Variants in DOCK3 observed in about 807,000 individuals in gnomAD.
The protein encoded by DOCK3 is dedicator of cytokinesis 3.
A neutral mutation model predicts 265.6 loss-of-function variants in DOCK3; 60 were observed. The observed-to-expected ratio is 0.23, with a 90% CI of 0.18 to 0.28. DOCK3 has a LOEUF of 0.28. Ranked by LOEUF, DOCK3 falls within the 10% of genes least tolerant of loss-of-function variation. DOCK3 has a pLI of 1.00. For missense variants in DOCK3, 1,981 were observed against 2,594.3 expected (o/e 0.76, Z 5.14); for synonymous variants, 881 against 938.0 (o/e 0.94, Z 1.11).
intron 12 of DOCK3, among the ~76,000 whole-genome samples, chr3:51,201,686 C>G (rs974487217): frequency 7.1e-4 from 108 of 152,292 alleles, no homozygotes; most frequent in Non-Finnish European, 1.2e-3. Context: ...TAGACATCTA[C>G]AGAACTCTCC....
chr3:50,925,082 T>G (rs1235388336), intron 4 of DOCK3, among the ~76,000 whole-genome samples: 1 of 152,146 alleles, frequency 6.6e-6, no homozygotes, highest in Admixed American at 6.5e-5. Context: ...CACAGGTTAC[T>G]GTTATTTTTA....
chr3:51,306,883 G>A (rs2082716395), intron 27 of DOCK3, among the ~76,000 whole-genome samples: 1 of 152,110 alleles, frequency 6.6e-6, no homozygotes. Context: ...CAAGTCCAAT[G>A]TTTGAGCTAC....
intron 39 of DOCK3, 130 bp downstream of exon 39, chr3:51,349,068 C>G: frequency 1.2e-6 from 1 of 835,058 alleles, no homozygotes; most frequent in Non-Finnish European, 1.9e-6. Context: ...GACTCCTGCC[C>G]TCAGGACACT....
In DOCK3 at chr3:51,276,351, C is replaced by T. The variant is rs760829066; in HGVS notation, c.2676+1145C>T. On this transcript the variant is annotated intron_variant, in intron 25 of 52. Transcript: ENST00000266037. ...AAGCACATAAGATCTACTCATAGCC[C>T]AAGGTTGTATTGAGGGGGTGGACAG... The T allele has an allele frequency of 8.1e-6, 8 of 985,110 alleles. No individual in the cohort carries two copies. In the African/African-American group the frequency reaches 8.7e-5, roughly 11 times the overall value. 61.0% of individuals were successfully genotyped at this position (985,110 alleles called of 1,614,324 possible). A position where few individuals can be genotyped will look rare whatever the true frequency, so the allele number is the denominator to read the frequency against.
At chr3:50,830,527 T>C (rs1418125857) in intron 2 of DOCK3, among the ~76,000 whole-genome samples, 2 of 152,302 alleles carry the variant, frequency 1.3e-5, no homozygotes, top group South Asian at 2.1e-4. Context: ...CAAAGGGGTA[T>C]TTTTTTGTTG....
intron 18 of DOCK3, among the ~76,000 whole-genome samples, chr3:51,229,286 A>T (rs969736741): frequency 6.6e-6 from 1 of 152,138 alleles, no homozygotes; most frequent in African/African-American, 2.4e-5. Context: ...CACCATCTCT[A>T]CTAAAAATAC....
chr3:51,269,115 CACTG>C (rs1173879714), intron 23 of DOCK3, among the ~76,000 whole-genome samples: 1 of 145,548 alleles, frequency 6.9e-6, no homozygotes, highest in African/African-American at 2.5e-5. Context: ...CTCTCTCTCT[CACTG>C]TCTCTCTCTC....
intron 10 of DOCK3, among the ~76,000 whole-genome samples, chr3:51,152,386 C>G (rs1461932835): frequency 2.0e-5 from 3 of 152,132 alleles, no homozygotes; most frequent in Non-Finnish European, 4.4e-5. Flanking sequence ...TCTAGTTAGC[C>G]ATTCATCAAA....
At chr3:51,043,254 C>T (rs1198410145) in intron 5 of DOCK3, among the ~76,000 whole-genome samples, 1 of 152,126 alleles carries the variant, frequency 6.6e-6, no homozygotes, top group Non-Finnish European at 1.5e-5. Context: ...ACCAATGGAA[C>T]AGAACAGAGA....
chr3:50,781,264 G>A (rs1181829192), intron 2 of DOCK3, among the ~76,000 whole-genome samples: 2 of 114,224 alleles, frequency 1.8e-5, no homozygotes, highest in African/African-American at 6.2e-5. Flanking sequence ...TCATATAGTA[G>A]TTCTTTTTTT....
At chr3:50,684,743 G>T (rs2034656837) in intron 1 of DOCK3, among the ~76,000 whole-genome samples, 1 of 152,170 alleles carries the variant, frequency 6.6e-6, no homozygotes, top group Non-Finnish European at 1.5e-5. Context: ...GGGAACTCAA[G>T]GTTAAACCTT....
intron 9 of DOCK3, among the ~76,000 whole-genome samples, chr3:51,114,328 G>A (rs997388089): frequency 1.4e-4 from 22 of 152,300 alleles, no homozygotes; most frequent in African/African-American, 5.1e-4. Context: ...ATCAGTAGAA[G>A]CCAACAAAGG....
chr3:51,263,580 T>G (rs1230706748), intron 23 of DOCK3, among the ~76,000 whole-genome samples: 1 of 152,180 alleles, frequency 6.6e-6, no homozygotes, highest in Non-Finnish European at 1.5e-5. Flanking sequence ...ATATTAACCT[T>G]AAATGTAAAT....
chr3:51,207,167 A>G (rs2089263019), intron 12 of DOCK3, among the ~76,000 whole-genome samples: 1 of 152,102 alleles, frequency 6.6e-6, no homozygotes, highest in Non-Finnish European at 1.5e-5. Flanking sequence ...ACAAATACGT[A>G]AGGGGTATGC....
At chr3:51,251,569 A>G (rs928666770) in intron 22 of DOCK3, among the ~76,000 whole-genome samples, 8 of 152,082 alleles carry the variant, frequency 5.3e-5, no homozygotes, top group Admixed American at 4.6e-4. Context: ...CATTCCAACT[A>G]GTGTGAGATG....
chr3:50,886,107 CTA>C (rs930601533), intron 3 of DOCK3, among the ~76,000 whole-genome samples: 7 of 151,606 alleles, frequency 4.6e-5, no homozygotes, highest in African/African-American at 1.7e-4. Flanking sequence ...GAATTCACCA[CTA>C]TGTTATTTTG....
chr3:51,378,536 A>C (rs970671214), intron 51 of DOCK3, among the ~76,000 whole-genome samples: 1 of 152,234 alleles, frequency 6.6e-6, no homozygotes, highest in African/African-American at 2.4e-5. Flanking sequence ...CCTTAGAACA[A>C]ATCCAGTGAC....
At chr3:50,929,605 A>G (rs1432017030) in intron 4 of DOCK3, among the ~76,000 whole-genome samples, 1 of 152,208 alleles carries the variant, frequency 6.6e-6, no homozygotes, top group African/African-American at 2.4e-5. Context: ...CAGAAGACCT[A>G]TGATTTCACA....
chr3:51,204,228 A>C (rs1468703723), intron 12 of DOCK3, among the ~76,000 whole-genome samples: 11 of 145,752 alleles, frequency 7.5e-5, no homozygotes, highest in Admixed American at 1.4e-4. Flanking sequence ...GTGAACAGGC[A>C]ACCCACAAAA....
Sources: gnomAD v4.1 joint callset for allele counts (sites outside exome capture counted in the v4.1 genomes callset) on GRCh38, gnomAD v4.1.1 for gene constraint, MANE v1.5 for transcripts, NCBI Gene and HGNC (gene_info 2026-07-23, HGNC 2026-07-21) for gene names.